Variants in AJAP1 observed in about 807,000 individuals in gnomAD.
The protein encoded by AJAP1 is adherens junction-associated protein 1.
Under a neutral mutation model 35.0 loss-of-function variants are expected in AJAP1, and 5 were observed. The observed-to-expected ratio is 0.14, with a 90% CI of 0.07 to 0.30. The LOEUF is 0.30. Ranked by LOEUF, AJAP1 falls within the 10% of genes least tolerant of loss-of-function variation. The pLI is 1.00. For synonymous variants in AJAP1, 284 were observed against 249.3 expected, an observed-to-expected ratio of 1.14 and a Z score of -1.31; for missense variants, 586 against 571.0, an observed-to-expected ratio of 1.03 and a Z score of -0.27.
chr1:4,730,363 C>T (rs917351168), intron 2 of AJAP1, among the ~76,000 whole-genome samples: 5 of 152,318 alleles, frequency 3.3e-5, no homozygotes, highest in Admixed American at 2.0e-4. Context: ...CAGAGCAGCT[C>T]GGCACAGCTG....
intron 2 of AJAP1, among the ~76,000 whole-genome samples, chr1:4,733,760 A>G (rs1376539564): frequency 1.3e-5 from 2 of 151,938 alleles, no homozygotes; most frequent in Non-Finnish European, 2.9e-5. Context: ...GTGGGCAGGG[A>G]TAGGAGAAGG....
chr1:4,744,542 C>T (rs1198058956), intron 2 of AJAP1, among the ~76,000 whole-genome samples: 1 of 152,136 alleles, frequency 6.6e-6, no homozygotes, highest in South Asian at 2.1e-4. Flanking sequence ...GGGATGCACC[C>T]ATGCATGCTT....
intron 1 of AJAP1, among the ~76,000 whole-genome samples, chr1:4,711,653 G>A (rs1204241728): frequency 2.6e-5 from 4 of 152,190 alleles, no homozygotes; most frequent in Non-Finnish European, 5.9e-5. Context: ...CCTGGCAGGC[G>A]CCTCAGCCCC....
At position 4,693,706 on chromosome 1, in the gene AJAP1, C is replaced by T. The variant is rs941119607; in HGVS notation, c.30-18194C>T. Among the ~76,000 whole-genome samples, 1 of 152,184 alleles carries T rather than the reference C, an allele frequency of 6.6e-6. No homozygotes were observed. Among genetic ancestry groups the T allele is most frequent in the Non-Finnish European group, 1.5e-5 (1 of 68,040 alleles). ...TTTCTCACAGTTCTGGAGGCTGGGG[C>T]ACCCAAGGTCAAGGGGCCCACGTCT... is the stretch of plus-strand genomic sequence containing the variant. On this transcript the variant is annotated intron_variant, in intron 1 of 5. Coordinates refer to ENST00000378191, the MANE Select transcript of AJAP1 (RefSeq NM_018836.4). This position sits in a 1 kb window ranked among gnomAD's most constrained non-coding sequence, Gnocchi z 4.4.
At chr1:4,705,265 A>G (rs1024494282) in intron 1 of AJAP1, among the ~76,000 whole-genome samples, 1 of 151,960 alleles carries the variant, frequency 6.6e-6, no homozygotes, top group Non-Finnish European at 1.5e-5. Context: ...TAAACGTTAG[A>G]CCTAAAACCG....
At chr1:4,719,070 A>T (rs1433181443) in intron 2 of AJAP1, among the ~76,000 whole-genome samples, 1 of 152,214 alleles carries the variant, frequency 6.6e-6, no homozygotes, top group Non-Finnish European at 1.5e-5. Context: ...TGTTTGATAT[A>T]TAGTGGGTTG....
chr1:4,683,945 T>C (rs1055303819), intron 1 of AJAP1, among the ~76,000 whole-genome samples: 1 of 152,004 alleles, frequency 6.6e-6, no homozygotes, highest in Non-Finnish European at 1.5e-5. Flanking sequence ...ATCAGATGCG[T>C]AGGCATTCAT....
In AJAP1 at chr1:4,655,450, C is replaced by T. The variant is rs1638856732; in HGVS notation, c.25C>T (p.Leu9Phe). ...CATGTGGATTCAACAGCTTTTAGGA[C>T]TCAGGTGAGCGACCCGGCCGGCGCC... MWIQQLLG[L>F]SSMSIRWPGR... Residue 9 changes from leucine to phenylalanine, a missense_variant, in exon 1 of 6, where the codon CTC (leucine) becomes TTC (phenylalanine). By Grantham distance (22) the Leu-to-Phe change is conservative. Transcript: ENST00000378191. This position sits in a 1 kb window ranked among gnomAD's most constrained non-coding sequence, Gnocchi z 6.9. 2.5e-6 allele frequency: 4 copies of T among 1,569,858 alleles called. No homozygotes were observed. The highest frequency in any genetic ancestry group is 3.5e-6 in the Non-Finnish European group (4 of 1,158,180).
chr1:4,691,356 T>C (rs1244984321), intron 1 of AJAP1, among the ~76,000 whole-genome samples: 2 of 152,194 alleles, frequency 1.3e-5, no homozygotes, highest in Non-Finnish European at 2.9e-5. Context: ...CGCCTCCCTT[T>C]GTCCTCTCCA....
intron 2 of AJAP1, among the ~76,000 whole-genome samples, chr1:4,744,319 C>T (rs539399052): frequency 4.6e-5 from 7 of 151,040 alleles, no homozygotes; most frequent in South Asian, 2.1e-4. Flanking sequence ...AGGACTCTCA[C>T]GTATTTTTTC....
At chr1:4,747,796 T>C (rs1178805354) in intron 2 of AJAP1, among the ~76,000 whole-genome samples, 1 of 152,084 alleles carries the variant, frequency 6.6e-6, no homozygotes, top group Non-Finnish European at 1.5e-5. Flanking sequence ...AAGACCAGCC[T>C]GGTCAACATG....
At chr1:4,745,045 G>A (rs949651009) in intron 2 of AJAP1, among the ~76,000 whole-genome samples, 1 of 152,160 alleles carries the variant, frequency 6.6e-6, no homozygotes, top group Admixed American at 6.5e-5. Context: ...CCCTCAGACA[G>A]AGCGTCCTTG....
chr1:4,781,206 C>G (rs1415922606), intron 5 of AJAP1, among the ~76,000 whole-genome samples: 1 of 152,204 alleles, frequency 6.6e-6, no homozygotes, highest in Non-Finnish European at 1.5e-5. Flanking sequence ...AGGCATGTCC[C>G]ACCTGGGGCC....
In AJAP1 at chr1:4,701,346, T is replaced by C. The variant is rs146750002; in HGVS notation, c.30-10554T>C. ...GCATAGGTTGGTTACACGGGTTAGT[T>C]TTGCTTACGCAGCTGGCGGGTTGCA... On this transcript the variant is annotated intron_variant, in intron 1 of 5. Coordinates refer to ENST00000378191, the MANE Select transcript of AJAP1 (RefSeq NM_018836.4). Among the ~76,000 whole-genome samples the C allele has an allele frequency of 7.7e-4, 117 of 152,312 alleles. 1 individual carries two copies. The highest frequency in any genetic ancestry group is 2.6e-3 in the African/African-American group (107 of 41,580).
Position 4,764,871 on chromosome 1 carries a change from G to A in AJAP1, c.830-4982G>A, listed in dbSNP as rs1486783595. The stretch of plus-strand genomic sequence containing the variant: ...TGGACAATGGCCCGTATTTGATTCA[G>A]CTTCATTTAATAAGACCTTGTTCAG... On this transcript the variant is annotated intron_variant, in intron 2 of 5. Coordinates refer to ENST00000378191, the MANE Select transcript of AJAP1 (RefSeq NM_018836.4). 2.6e-5 allele frequency among the ~76,000 whole-genome samples: 4 copies of A among 152,124 alleles called. No individual in the cohort carries two copies. In the East Asian group the frequency reaches 7.7e-4, roughly 29 times the overall value.
rs1355769910 is a variant in AJAP1 at position 4,787,721 on chromosome 1, C to G, written c.*5236C>G. On this transcript the variant is annotated 3_prime_UTR_variant, in exon 6 of 6. Coordinates refer to ENST00000378191, the MANE Select transcript of AJAP1 (RefSeq NM_018836.4). ...CCATCTGTCAGGTTGCCAGGCCAAG[C>G]AGGTCTCAGGTCAGCCAGGTCTCAA... 6.6e-6 allele frequency: 3 copies of G among 456,006 alleles called. No individual in the cohort carries two copies. Among genetic ancestry groups the G allele is most frequent in the Admixed American group, 4.7e-5 (2 of 42,548 alleles). 28.2% of individuals were successfully genotyped at this position (456,006 alleles called of 1,614,324 possible).
chr1:4,751,412 A>C (rs1641318089), intron 2 of AJAP1, among the ~76,000 whole-genome samples: 1 of 152,254 alleles, frequency 6.6e-6, no homozygotes, highest in Non-Finnish European at 1.5e-5. Flanking sequence ...GTCCCAGCCC[A>C]CAGCCAGGTG....
At position 4,655,466 on chromosome 1, in the gene AJAP1, G is replaced by A. The variant is rs747180050; in HGVS notation, c.29+12G>A. 6.4e-7 allele frequency: 1 copy of A among 1,565,674 alleles called. No individual in the cohort carries two copies. Among genetic ancestry groups the A allele is most frequent in the Admixed American group, 1.8e-5 (1 of 55,508 alleles). ...CTTTTAGGACTCAGGTGAGCGACCCGGCCGGCGCCGGGTGCGTGTGGGCGC... is the reference window on the plus strand; with the variant it reads ...CTTTTAGGACTCAGGTGAGCGACCCAGCCGGCGCCGGGTGCGTGTGGGCGC... On this transcript the variant is annotated intron_variant, in intron 1 of 5. Coordinates refer to ENST00000378191, the MANE Select transcript of AJAP1 (RefSeq NM_018836.4). The surrounding 1 kb of genome is among the most constrained non-coding windows in gnomAD (Gnocchi z 6.9).
At chr1:4,714,487 A>G (rs1007286991) in intron 2 of AJAP1, among the ~76,000 whole-genome samples, 1 of 152,194 alleles carries the variant, frequency 6.6e-6, no homozygotes, top group Non-Finnish European at 1.5e-5. Context: ...ATGAGGAAAC[A>G]AGTTCCCATT....
Sources: allele counts gnomAD v4.1 joint callset (sites outside exome capture counted in the v4.1 genomes callset), GRCh38; gene constraint gnomAD v4.1.1; non-coding constraint Gnocchi (gnomAD v3.1); transcripts MANE v1.5; gene names NCBI Gene and HGNC (gene_info 2026-07-23, HGNC 2026-07-21).